The following SCD5 variants were observed in gnomAD, a reference collection of about 807,000 sequenced individuals.
The protein encoded by SCD5 is stearoyl-CoA desaturase 5.
SCD5 carries 20 observed loss-of-function variants against 30.4 expected under a neutral mutation model. The ratio of observed to expected loss-of-function variants is 0.66; its 90% CI spans 0.46 to 0.96. The LOEUF is 0.96. SCD5 is among the 40% of genes least tolerant of loss of function. The probability of loss-of-function intolerance (pLI) is 0.00; values close to 1 mark genes in which losing one functional copy is unlikely to be tolerated. For missense variants in SCD5, 381 were observed against 443.3 expected (o/e 0.86, Z 1.26); for synonymous variants, 173 against 176.4 (o/e 0.98, Z 0.16).
intron 3 of SCD5, among the ~76,000 whole-genome samples, chr4:82,650,350 C>T (rs1012134202): frequency 1.3e-5 from 2 of 152,130 alleles, no homozygotes; most frequent in Non-Finnish European, 2.9e-5. Flanking sequence ...TCATTCACCC[C>T]AGGAAAATGG....
Position 82,798,619 on chromosome 4 carries a change from C to T in SCD5, c.-82G>A, listed in dbSNP as rs961145022. 3.9e-6 allele frequency: 5 copies of T among 1,272,264 alleles called. No individual in the cohort carries two copies. Among genetic ancestry groups the T allele is most frequent in the Admixed American group, 2.7e-5 (1 of 37,532 alleles). 78.8% of individuals were successfully genotyped at this position (1,272,264 alleles called of 1,614,324 possible). A position where few individuals can be genotyped will look rare whatever the true frequency, so the allele number is the denominator to read the frequency against. On this transcript the variant is annotated 5_prime_UTR_variant, in exon 1 of 5. Coordinates refer to ENST00000319540, the MANE Select transcript of SCD5 (RefSeq NM_001037582.3). ...CGGAGCTCGAGGGTGGGGGCGGGGG[C>T]TTCTGCCTTTTAGGGGGGAATTCTC...
At chr4:82,720,368 G>A (rs973382205) in intron 1 of SCD5, among the ~76,000 whole-genome samples, 1 of 144,188 alleles carries the variant, frequency 6.9e-6, no homozygotes, top group African/African-American at 2.6e-5. Context: ...AGGAGGTCGA[G>A]GCTGCAGTGA....
intron 1 of SCD5, among the ~76,000 whole-genome samples, chr4:82,738,594 T>C (rs1286354256): frequency 1.3e-5 from 2 of 152,214 alleles, no homozygotes; most frequent in Non-Finnish European, 1.5e-5. Flanking sequence ...CACCCTTCCA[T>C]ACCTACTCTT....
intron 1 of SCD5, among the ~76,000 whole-genome samples, chr4:82,795,821 A>C (rs1722199891): frequency 6.9e-6 from 1 of 144,902 alleles, no homozygotes; most frequent in African/African-American, 2.8e-5. Context: ...AAAAAAAAAA[A>C]AAAAAAAAAA....
intron 1 of SCD5, among the ~76,000 whole-genome samples, chr4:82,775,307 G>A (rs955860290): frequency 6.6e-6 from 1 of 152,218 alleles, no homozygotes; most frequent in African/African-American, 2.4e-5. Flanking sequence ...CAGGGCTGGA[G>A]CTATGGAAGC....
Position 82,631,524 on chromosome 4 carries a change from G to C in SCD5, c.803-7C>G. On this transcript the variant is annotated splice_polypyrimidine_tract_variant and splice_region_variant and intron_variant, in intron 4 of 4. Transcript: ENST00000319540. ...TAATTATGGAAGCCTTCACCTGGAA[G>C]ACAAAGCGGGCATTGATATAATTCA... The C allele has an allele frequency of 6.2e-7, 1 of 1,613,170 alleles. No individual in the cohort carries two copies. The highest frequency in any genetic ancestry group is 8.5e-7 in the Non-Finnish European group (1 of 1,179,240).
chr4:82,791,187 G>A (rs374823286), intron 1 of SCD5, among the ~76,000 whole-genome samples: 137 of 152,080 alleles, frequency 9.0e-4, no homozygotes, highest in African/African-American at 3.2e-3. Flanking sequence ...GCAGTGACCC[G>A]AGATCGTGCC....
chr4:82,756,362 G>A (rs1370220936), intron 1 of SCD5, among the ~76,000 whole-genome samples: 1 of 152,146 alleles, frequency 6.6e-6, no homozygotes, highest in Non-Finnish European at 1.5e-5. Flanking sequence ...AGTCCCAGTT[G>A]GTTACTTGCT....
chr4:82,792,435 C>A (rs1369127429), intron 1 of SCD5, among the ~76,000 whole-genome samples: 1 of 152,140 alleles, frequency 6.6e-6, no homozygotes, highest in Non-Finnish European at 1.5e-5. Context: ...CCTATCCAGG[C>A]ACCGTGGCTC....
chr4:82,734,228 A>G (rs2148836616), intron 1 of SCD5, among the ~76,000 whole-genome samples: 1 of 152,282 alleles, frequency 6.6e-6, no homozygotes, highest in South Asian at 2.1e-4. Flanking sequence ...TTACTAGTGG[A>G]AAGGAGTCAA....
At chr4:82,688,288 A>ACATGTG (rs939351515) in intron 2 of SCD5, among the ~76,000 whole-genome samples, 4 of 152,124 alleles carry the variant, frequency 2.6e-5, no homozygotes, top group Non-Finnish European at 5.9e-5. Flanking sequence ...GCATGCATGT[A>ACATGTG]CATGTGCATG....
chr4:82,794,251 A>G (rs985340709), intron 1 of SCD5, among the ~76,000 whole-genome samples: 4 of 152,242 alleles, frequency 2.6e-5, no homozygotes, highest in Non-Finnish European at 4.4e-5. Context: ...ACAGGATAGA[A>G]GGATGGCTGA....
At chr4:82,640,170 C>T (rs1194386402) in intron 3 of SCD5, among the ~76,000 whole-genome samples, 3 of 152,212 alleles carry the variant, frequency 2.0e-5, no homozygotes, top group East Asian at 1.9e-4. Flanking sequence ...CCAGCTTCCA[C>T]TCAGACCCTG....
chr4:82,665,624 A>C (rs762143029), intron 3 of SCD5, among the ~76,000 whole-genome samples: 3 of 152,122 alleles, frequency 2.0e-5, no homozygotes, highest in African/African-American at 4.8e-5. Context: ...ATGAAGGTAA[A>C]ATAAAGACCT....
intron 1 of SCD5, among the ~76,000 whole-genome samples, chr4:82,716,669 C>T (rs975510542): frequency 6.6e-6 from 1 of 151,328 alleles, no homozygotes; most frequent in African/African-American, 2.5e-5. Flanking sequence ...TGAAAATTAG[C>T]CAGGCATGGT....
intron 3 of SCD5, among the ~76,000 whole-genome samples, chr4:82,679,229 A>AAAGAAAGAAAGAGAG (rs1728504819): frequency 9.8e-6 from 1 of 101,524 alleles, no homozygotes; most frequent in Non-Finnish European, 2.1e-5. Flanking sequence ...GAAAAGAAAG[A>AAAGAAAGAAAGAGAG]AAGAAAGAAA....
At chr4:82,680,686 C>G in intron 3 of SCD5, 21 bp downstream of exon 3, 1 of 1,612,846 alleles carries the variant, frequency 6.2e-7, no homozygotes, top group Non-Finnish European at 8.5e-7. Flanking sequence ...GGACAGCTCT[C>G]CGTCATGCCC....
chr4:82,753,412 C>A (rs1486081841), intron 1 of SCD5: 2 of 531,376 alleles, frequency 3.8e-6, no homozygotes, highest in Non-Finnish European at 3.9e-6. Flanking sequence ...ATGACATAAG[C>A]CAGTGGCAGG....
intron 3 of SCD5, among the ~76,000 whole-genome samples, chr4:82,667,184 TG>T (rs1175802420): frequency 3.9e-5 from 6 of 152,104 alleles, no homozygotes; most frequent in Non-Finnish European, 8.8e-5. Flanking sequence ...CTCCTCATCT[TG>T]CCAGGGGAAT....
Sources: allele counts gnomAD v4.1 joint callset (sites outside exome capture counted in the v4.1 genomes callset), GRCh38; gene constraint gnomAD v4.1.1; transcripts MANE v1.5; gene names NCBI Gene and HGNC (gene_info 2026-07-23, HGNC 2026-07-21).